The following WWOX variants were observed in gnomAD, a reference collection of about 807,000 sequenced individuals.
WWOX encodes the protein WW domain-containing oxidoreductase.
In WWOX, 69 loss-of-function variants were observed where a neutral mutation model predicts 46.2. That is an observed-to-expected ratio of 1.49 (90% CI 1.23 to 1.82). The LOEUF (loss-of-function observed/expected upper bound fraction) is 1.82. Among genes scored for constraint, WWOX ranks in the 40% most tolerant of loss-of-function variants. The probability of loss-of-function intolerance (pLI) is 0.00; values close to 1 mark genes in which losing one functional copy is unlikely to be tolerated. For synonymous variants in WWOX, 359 were observed against 202.6 expected (o/e 1.77, Z -6.56); for missense variants, 919 against 542.6 (o/e 1.69, Z -6.89).
rs531338801 is a variant in WWOX at position 78,275,859 on chromosome 16, G to A, written c.517-111001G>A. The stretch of plus-strand genomic sequence containing the variant: ...TGCAGCATGTCTGGTCCCAAAGTGG[G>A]ACCTGGAGTCCTTCCGACGAGGAAG... On this transcript the variant is annotated intron_variant, in intron 5 of 8. Coordinates refer to ENST00000566780, the MANE Select transcript of WWOX (RefSeq NM_016373.4). Among the ~76,000 whole-genome samples, 6 of 152,322 alleles carry A rather than the reference G, an allele frequency of 3.9e-5. No homozygotes were observed. In the South Asian group the frequency reaches 1.2e-3, roughly 32 times the overall value.
intron 7 of WWOX, among the ~76,000 whole-genome samples, chr16:78,427,647 C>T (rs1333166119): frequency 6.6e-6 from 1 of 152,046 alleles, no homozygotes; most frequent in South Asian, 2.1e-4. Context: ...GGCTTGGTAG[C>T]ACATGCCTGT....
At chr16:79,202,743 G>C (rs556777144) in intron 8 of WWOX, 2 of 152,238 alleles carry the variant, frequency 1.3e-5, no homozygotes, top group East Asian at 1.9e-4. Context: ...AAATTGCCTA[G>C]AATAGCAGCA....
intron 8 of WWOX, among the ~76,000 whole-genome samples, chr16:78,855,523 T>C (rs2052545534): frequency 6.6e-6 from 1 of 152,194 alleles, no homozygotes; most frequent in African/African-American, 2.4e-5. Context: ...CGATTCCAAT[T>C]TGTAAATGTG....
intron 2 of WWOX, among the ~76,000 whole-genome samples, chr16:78,108,878 C>A (rs1448548943): frequency 6.6e-6 from 1 of 152,176 alleles, no homozygotes; most frequent in African/African-American, 2.4e-5. Context: ...ATTCCAGCTA[C>A]TTTGGAGGCT....
At chr16:78,831,917 C>A (rs996463073) in intron 8 of WWOX, among the ~76,000 whole-genome samples, 1 of 152,154 alleles carries the variant, frequency 6.6e-6, no homozygotes, top group South Asian at 2.1e-4. Flanking sequence ...TTCTCAAATA[C>A]CCTTCCTCTT....
rs2084173554 is a variant in WWOX at position 78,469,675 on chromosome 16, G to A, written c.1056+36923G>A. On this transcript the variant is annotated intron_variant, in intron 8 of 8. Coordinates refer to ENST00000566780, the MANE Select transcript of WWOX (RefSeq NM_016373.4). ...GCGCAGATAGTGGGGAATAGTCTATGGATTCTGCTTACACCATGGACAACC... is the reference window on the plus strand; with the variant it reads ...GCGCAGATAGTGGGGAATAGTCTATAGATTCTGCTTACACCATGGACAACC... Among the ~76,000 whole-genome samples the A allele has an allele frequency of 2.0e-5, 3 of 152,162 alleles. No homozygotes were observed. The South Asian group carries it at 6.2e-4, about 32-fold the overall frequency.
intron 8 of WWOX, among the ~76,000 whole-genome samples, chr16:78,680,395 A>G (rs1005036783): frequency 2.6e-5 from 4 of 151,778 alleles, no homozygotes; most frequent in African/African-American, 9.7e-5. Flanking sequence ...TTAGCTGGGC[A>G]TGGTGTCACG....
intron 5 of WWOX, among the ~76,000 whole-genome samples, chr16:78,307,216 C>T (rs1271353635): frequency 1.3e-5 from 2 of 152,180 alleles, no homozygotes; most frequent in Non-Finnish European, 2.9e-5. Context: ...CTGTTCACTG[C>T]TGCCCGTTCA....
At chr16:78,360,510 G>A (rs1597097672) in intron 5 of WWOX, among the ~76,000 whole-genome samples, 2 of 151,142 alleles carry the variant, frequency 1.3e-5, no homozygotes, top group East Asian at 3.9e-4. Context: ...ACTTGAAGCT[G>A]GGAGCTGGAG....
intron 8 of WWOX, among the ~76,000 whole-genome samples, chr16:78,757,643 T>TTTTA (rs904012529): frequency 6.6e-5 from 10 of 152,036 alleles, no homozygotes; most frequent in Non-Finnish European, 1.2e-4. Flanking sequence ...AATGAATACA[T>TTTTA]TTTATTTATT....
chr16:78,494,370 A>G (rs528906126), intron 8 of WWOX, among the ~76,000 whole-genome samples: 6 of 152,318 alleles, frequency 3.9e-5, no homozygotes, highest in African/African-American at 1.4e-4. Flanking sequence ...GAGCCAAACC[A>G]CACTGGAAGG....
At chr16:78,602,832 C>T (rs548766590) in intron 8 of WWOX, among the ~76,000 whole-genome samples, 4 of 152,310 alleles carry the variant, frequency 2.6e-5, no homozygotes, top group Non-Finnish European at 4.4e-5. Flanking sequence ...CTCCATTTTA[C>T]AGATAAGAAA....
At chr16:78,564,959 C>T (rs187944562) in intron 8 of WWOX, among the ~76,000 whole-genome samples, 4 of 152,042 alleles carry the variant, frequency 2.6e-5, no homozygotes, top group African/African-American at 9.7e-5. Flanking sequence ...TTTAACAAGA[C>T]AAGTAGAAAA....
At chr16:78,672,629 C>A (rs117515092) in intron 8 of WWOX, among the ~76,000 whole-genome samples, 3 of 152,156 alleles carry the variant, frequency 2.0e-5, no homozygotes, top group African/African-American at 4.8e-5. Flanking sequence ...CCAGATCTTA[C>A]CATTTGCAAG....
chr16:78,557,689 A>ATTTTTTTTTTTT (rs34068363), intron 8 of WWOX, among the ~76,000 whole-genome samples: 1,524 of 96,548 alleles, frequency 0.016, 221 homozygotes, highest in African/African-American at 0.046. Flanking sequence ...CTAGGGAAGG[A>ATTTTTTTTTTTT]TTTTTTTTTT....
At chr16:78,932,371 C>G (rs1441471002) in intron 8 of WWOX, among the ~76,000 whole-genome samples, 4 of 152,184 alleles carry the variant, frequency 2.6e-5, no homozygotes, top group African/African-American at 7.2e-5. Flanking sequence ...TTTTTCCACC[C>G]TGGTGTTTTT....
chr16:79,045,175 C>G (rs778218959), intron 8 of WWOX, among the ~76,000 whole-genome samples: 3 of 152,146 alleles, frequency 2.0e-5, no homozygotes, highest in Non-Finnish European at 2.9e-5. Flanking sequence ...TAAATTAAAT[C>G]TTTTCCCCAA....
intron 8 of WWOX, among the ~76,000 whole-genome samples, chr16:78,781,974 G>T (rs1008007691): frequency 4.6e-5 from 7 of 152,158 alleles, no homozygotes; most frequent in Non-Finnish European, 1.5e-5. Flanking sequence ...AGCTGAGGCA[G>T]AGGATTCCAG....
intron 8 of WWOX, among the ~76,000 whole-genome samples, chr16:78,665,755 G>C (rs545245766): frequency 7.6e-4 from 115 of 152,132 alleles, no homozygotes; most frequent in Non-Finnish European, 1.4e-3. Flanking sequence ...TTCCATCTCA[G>C]CTCACTGCAA....
Sources: gnomAD v4.1 joint callset for allele counts (sites outside exome capture counted in the v4.1 genomes callset) on GRCh38, gnomAD v4.1.1 for gene constraint, MANE v1.5 for transcripts, NCBI Gene and HGNC (gene_info 2026-07-23, HGNC 2026-07-21) for gene names.